PCDHGB4: variants seen among roughly 807,000 people sequenced by gnomAD.
PCDHGB4 encodes the protein protocadherin gamma subfamily B, 4.
A neutral mutation model predicts 60.5 loss-of-function variants in PCDHGB4; 38 were observed. The ratio of observed to expected loss-of-function variants is 0.63; its 90% confidence interval spans 0.48 to 0.82. The LOEUF (loss-of-function observed/expected upper bound fraction) is 0.82, where lower values mean the gene tolerates loss of function less well. PCDHGB4 is among the 40% of genes least tolerant of loss of function. PCDHGB4 has a pLI of 0.00. For synonymous variants in PCDHGB4, 456 were observed against 509.7 expected (o/e 0.89, Z 1.42); for missense variants, 1,109 against 1,209.6 (o/e 0.92, Z 1.23).
chr5:141,411,969 T>G (rs2095526864), intron 1 of PCDHGB4: 1 of 152,258 alleles, frequency 6.6e-6, no homozygotes, highest in Non-Finnish European at 1.5e-5. Context: ...ATAAAATCTT[T>G]GAAGAGTTCT....
intron 1 of PCDHGB4, chr5:141,426,438 G>A (rs567163831): frequency 4.7e-5 from 14 of 300,110 alleles, no homozygotes; most frequent in Admixed American, 1.7e-4. Context: ...GGAACCTTGC[G>A]GAGGACATGC....
At chr5:141,414,639 T>A in intron 1 of PCDHGB4, 1 of 1,613,966 alleles carries the variant, frequency 6.2e-7, no homozygotes, top group South Asian at 1.1e-5. Context: ...GCAAAGAGAA[T>A]GCCCAGATTA....
At chr5:141,503,679 G>A (rs562303239) in intron 2 of PCDHGB4, among the ~76,000 whole-genome samples, 1 of 152,054 alleles carries the variant, frequency 6.6e-6, no homozygotes, top group East Asian at 1.9e-4. Context: ...CCACTTTTGG[G>A]AAGGAGAATT....
intron 1 of PCDHGB4, chr5:141,403,389 C>A (rs764725441): frequency 1.9e-6 from 3 of 1,614,050 alleles, no homozygotes; most frequent in Non-Finnish European, 2.5e-6. Flanking sequence ...AACGAAATCG[C>A]GGTTCCTGGA....
At chr5:141,494,682 C>G (rs1282135022) in intron 1 of PCDHGB4, 125 bp from the exon 2 acceptor site, 16 of 1,564,362 alleles carry the variant, frequency 1.0e-5, no homozygotes, top group African/African-American at 1.4e-5. Context: ...ACCCCTGCCC[C>G]CTCTTAGTCC....
At chr5:141,423,160 G>A (rs1272708122) in intron 1 of PCDHGB4, 16 of 1,613,046 alleles carry the variant, frequency 9.9e-6, no homozygotes, top group Non-Finnish European at 1.2e-5. Flanking sequence ...GAGCCTCGTG[G>A]TGGCCGTCCA....
At chr5:141,470,388 T>C (rs1234907080) in intron 1 of PCDHGB4, among the ~76,000 whole-genome samples, 4 of 152,198 alleles carry the variant, frequency 2.6e-5, no homozygotes, top group African/African-American at 9.6e-5. Flanking sequence ...TACTCGATGA[T>C]ATTTAGGATT....
rs2099883697 is a variant in PCDHGB4, at chr5:141,511,284, G to T, written c.*111G>T. On this transcript the variant is annotated 3_prime_UTR_variant, in exon 4 of 4. Coordinates refer to ENST00000519479, the MANE Select transcript of PCDHGB4 (RefSeq NM_003736.4). ...AGGGCTAACCCCCAGAATACTGGTA[G>T]GGGCCAAGGCCATGCTCCCCTTGGG... 6.5e-7 allele frequency: 1 copy of T among 1,528,258 alleles called. No homozygotes were observed. Among genetic ancestry groups the T allele is most frequent in the African/African-American group, 1.4e-5 (1 of 72,674 alleles). 94.7% of individuals were successfully genotyped at this position (1,528,258 alleles called of 1,614,324 possible). A position where few individuals can be genotyped will look rare whatever the true frequency, so the allele number is the denominator to read the frequency against.
chr5:141,435,990 T>C (rs1175877769), intron 1 of PCDHGB4, among the ~76,000 whole-genome samples: 1 of 152,162 alleles, frequency 6.6e-6, no homozygotes, highest in Non-Finnish European at 1.5e-5. Flanking sequence ...TTGTGTGATT[T>C]TTTGAAAGAA....
At chr5:141,408,192 C>A (rs2095055859) in intron 1 of PCDHGB4, 1 of 1,545,004 alleles carries the variant, frequency 6.5e-7, no homozygotes, top group South Asian at 1.2e-5. Flanking sequence ...CAGCGAGAAC[C>A]CGAGCGAACG....
chr5:141,460,498 T>G (rs1028506755), intron 1 of PCDHGB4, among the ~76,000 whole-genome samples: 1 of 152,184 alleles, frequency 6.6e-6, no homozygotes. Context: ...TGGAAAAATA[T>G]GCTGAGAAGG....
At position 141,432,476 on chromosome 5, in the gene PCDHGB4, A is replaced by T. The variant is rs778378071; in HGVS notation, c.2397+42195A>T. On this transcript the variant is annotated intron_variant, in intron 1 of 3. Transcript: ENST00000519479. This position sits in a 1 kb window ranked among gnomAD's most constrained non-coding sequence, Gnocchi z 6.0. ...CCCCGCCCTCCCCACGGACGGTTCC[A>T]CTGGCGTGGAGCTGGCTCCCCGCTC... 4.6e-5 allele frequency: 75 copies of T among 1,613,962 alleles called. No homozygotes were observed. In the South Asian group the frequency reaches 7.9e-4, roughly 17 times the overall value.
chr5:141,469,510 G>T (rs1022804863), intron 1 of PCDHGB4, among the ~76,000 whole-genome samples: 3 of 152,118 alleles, frequency 2.0e-5, no homozygotes, highest in African/African-American at 7.2e-5. Context: ...GGGAGGTGGA[G>T]GTTGCAGTGA....
intron 2 of PCDHGB4, among the ~76,000 whole-genome samples, chr5:141,496,631 G>A (rs1434126210): frequency 6.6e-6 from 1 of 152,164 alleles, no homozygotes; most frequent in Admixed American, 6.5e-5. Context: ...CAAAAGGCTT[G>A]GGCTGCCCTT....
intron 1 of PCDHGB4, chr5:141,409,546 C>A (rs775680397): frequency 6.2e-7 from 1 of 1,613,880 alleles, no homozygotes; most frequent in African/African-American, 1.3e-5. Flanking sequence ...TCAACGACAA[C>A]GCCCCAGTTT....
At position 141,486,238 on chromosome 5, in the gene PCDHGB4, G is replaced by C. The variant is rs1414434705; in HGVS notation, c.2398-8569G>C. 6.2e-7 allele frequency: 1 copy of C among 1,614,058 alleles called. No homozygotes were observed. The highest frequency in any genetic ancestry group is 8.5e-7 in the Non-Finnish European group (1 of 1,180,024). On this transcript the variant is annotated intron_variant, in intron 1 of 3. Coordinates refer to ENST00000519479, the MANE Select transcript of PCDHGB4 (RefSeq NM_003736.4). This position sits in a 1 kb window ranked among gnomAD's most constrained non-coding sequence, Gnocchi z 5.0. ...CCCCTTACATCACAGTGACCTCAGA[G>C]CTTGGAACCCTCCCCGAGAGTGCAG... is the stretch of plus-strand genomic sequence containing the variant.
intron 1 of PCDHGB4, among the ~76,000 whole-genome samples, chr5:141,430,398 C>T (rs2097281985): frequency 6.7e-6 from 1 of 150,224 alleles, no homozygotes. Flanking sequence ...AAAAAAAAAG[C>T]TCACTAAAGT....
intron 1 of PCDHGB4, chr5:141,415,388 G>A (rs752789407): frequency 1.2e-6 from 2 of 1,614,236 alleles, no homozygotes; most frequent in Non-Finnish European, 1.7e-6. Context: ...GGCTTGACAG[G>A]TGTGTCCGGC....
chr5:141,389,304 GCTT>G lies in PCDHGB4; in HGVS notation c.1423_1425del (p.Ser475del), dbSNP rs762969573. 2 of 1,614,006 alleles carry G rather than the reference GCTT, an allele frequency of 1.2e-6. No homozygotes were observed. The highest frequency in any genetic ancestry group is 1.7e-6 in the Non-Finnish European group (2 of 1,179,902). ...TGGAGCCTCTATTTCACAAGTCAGG[GCTT>G]CTGATCCGGACTTGGGGCCCAACGG... On this transcript the variant is annotated inframe_deletion, in exon 1 of 4. Coordinates refer to ENST00000519479, the MANE Select transcript of PCDHGB4 (RefSeq NM_003736.4).
Sources: gnomAD v4.1 joint callset for allele counts (sites outside exome capture counted in the v4.1 genomes callset) on GRCh38, gnomAD v4.1.1 for gene constraint, Gnocchi (gnomAD v3.1) non-coding constraint, MANE v1.5 for transcripts, NCBI Gene and HGNC (gene_info 2026-07-23, HGNC 2026-07-21) for gene names.